Variants in TREM1 observed in about 807,000 individuals in gnomAD.
TREM1 encodes the protein triggering receptor expressed on monocytes 1.
A neutral mutation model predicts 22.4 loss-of-function variants in TREM1; 16 were observed. That is an observed-to-expected ratio of 0.71 (90% CI 0.48 to 1.08). The LOEUF (loss-of-function observed/expected upper bound fraction) is 1.08. Among genes scored for constraint, TREM1 ranks in the 50% least tolerant of loss-of-function variants. The probability of loss-of-function intolerance (pLI) is 0.00; values close to 1 mark genes in which losing one functional copy is unlikely to be tolerated. For missense variants in TREM1, 283 were observed against 282.9 expected (o/e 1.00, Z 0.00); for synonymous variants, 110 against 111.6 (o/e 0.99, Z 0.09).
intron 1 of TREM1, among the ~76,000 whole-genome samples, chr6:41,285,589 G>C (rs3827632): frequency 0.2 from 29,727 of 152,092 alleles, 3,831 homozygotes; most frequent in African/African-American, 0.36. Flanking sequence ...AAGGAGCATT[G>C]AGGTTAACCC....
At chr6:41,268,491 T>A (rs778871581) in intron 3 of TREM1, among the ~76,000 whole-genome samples, 1 of 152,226 alleles carries the variant, frequency 6.6e-6, no homozygotes, top group African/African-American at 2.4e-5. Context: ...GACCAAGCCA[T>A]CCACTGGTGC....
rs975403487 is a variant in TREM1, at chr6:41,278,832, G to C, written c.599+2129C>G. On this transcript the variant is annotated intron_variant, in intron 3 of 3. Transcript: ENST00000244709. ...CAGCAAGGCAGGAGAATAGGGTCTGGAGGCAGGAACGTAAGACCAATTCAT... is the reference window on the plus strand; with the variant it reads ...CAGCAAGGCAGGAGAATAGGGTCTGCAGGCAGGAACGTAAGACCAATTCAT... Among the ~76,000 whole-genome samples the C allele has an allele frequency of 3.3e-5, 5 of 152,140 alleles. 1 individual carries two copies. The highest frequency in any genetic ancestry group is 2.6e-4 in the Admixed American group (4 of 15,282).
At chr6:41,268,717 A>G (rs1289195622), downstream of TREM1, among the ~76,000 whole-genome samples, 1 of 152,166 alleles carries the variant, frequency 6.6e-6, no homozygotes, top group East Asian at 1.9e-4. Flanking sequence ...ACAATCTTCT[A>G]TTGCCCTGTG....
At chr6:41,272,605 A>G (rs1767514375), downstream of TREM1, among the ~76,000 whole-genome samples, 1 of 152,066 alleles carries the variant, frequency 6.6e-6, no homozygotes, top group Admixed American at 6.5e-5. Context: ...TTTTAGCAAC[A>G]GCTTAGGTGG....
intron 3 of TREM1, 79 bp downstream of exon 3, chr6:41,280,882 T>C (rs1048032271): frequency 1.9e-6 from 3 of 1,605,420 alleles, no homozygotes; most frequent in African/African-American, 2.7e-5. Flanking sequence ...TCCCTCACTT[T>C]CACATCCTCT....
At chr6:41,284,712 C>A (rs906184982) in intron 1 of TREM1, among the ~76,000 whole-genome samples, 21 of 152,140 alleles carry the variant, frequency 1.4e-4, no homozygotes, top group African/African-American at 4.8e-4. Context: ...AAGTGCTTAC[C>A]CTTTCATGGA....
chr6:41,279,422 AGCTTAC>A lies in TREM1; in HGVS notation c.599+1533_599+1538del, dbSNP rs532544537. ...TGATTAAAAGGCCCAGAACCTGGAC[AGCTTAC>A]ACTTAAGGCCCTCCTTCCGGTAAAA... On this transcript the variant is annotated intron_variant, in intron 3 of 3. Transcript: ENST00000244709. 9.4e-5 allele frequency: 57 copies of A among 605,760 alleles called. No individual in the cohort carries two copies. In the East Asian group the frequency reaches 7.8e-3, roughly 83 times the overall value. 37.5% of individuals were successfully genotyped at this position (605,760 alleles called of 1,614,324 possible).
chr6:41,272,681 C>T (rs1767516425), downstream of TREM1, among the ~76,000 whole-genome samples: 1 of 152,088 alleles, frequency 6.6e-6, no homozygotes. Flanking sequence ...ATGGACCCTG[C>T]AGCATGTCTC....
chr6:41,272,266 A>T (rs1440465241), downstream of TREM1, among the ~76,000 whole-genome samples: 1 of 151,946 alleles, frequency 6.6e-6, no homozygotes. Context: ...CACCATGGTG[A>T]GTCTAGACCC....
downstream of TREM1, among the ~76,000 whole-genome samples, chr6:41,270,468 T>TATATATATATATATATATATA (rs1767450675): frequency 1.7e-4 from 1 of 5,744 alleles, no homozygotes; most frequent in African/African-American, 3.2e-4. Flanking sequence ...TATATATATA[T>TATATATATATATATATATATA]ATATATATAT....
chr6:41,274,872 G>A lies in TREM1; in HGVS notation c.*1253C>T, dbSNP rs1767604657. Among the ~76,000 whole-genome samples the A allele has an allele frequency of 6.6e-6, 1 of 152,158 alleles. No individual in the cohort carries two copies. Among genetic ancestry groups the A allele is most frequent in the Middle Eastern group, 3.2e-3 (1 of 316 alleles). ...TAACATGAGACACACGGTATGTGTG[G>A]AAAAGTATGATTGCTCTTGGGAACT... On this transcript the variant is annotated 3_prime_UTR_variant, in exon 4 of 4. Transcript: ENST00000244709.
At chr6:41,278,531 G>T (rs1041609941) in intron 3 of TREM1, among the ~76,000 whole-genome samples, 8 of 151,846 alleles carry the variant, frequency 5.3e-5, no homozygotes, top group African/African-American at 1.5e-4. Context: ...AGTATTAGCT[G>T]TCCTGGTGGT....
chr6:41,284,725 C>T (rs2113997622), intron 1 of TREM1, among the ~76,000 whole-genome samples: 1 of 152,280 alleles, frequency 6.6e-6, no homozygotes, highest in Non-Finnish European at 1.5e-5. Context: ...TTCATGGAGC[C>T]CCCTGGCATG....
Position 41,286,609 on chromosome 6 carries a change from G to C in TREM1, c.47C>G (p.Ser16Ter). Residue 16 changes from serine (S) to a stop codon, truncating the protein, a stop_gained and splice_region_variant, in exon 1 of 4, where the codon TCA (serine) becomes TGA (stop). Coordinates refer to ENST00000244709, the MANE Select transcript of TREM1 (RefSeq NM_018643.5). LOFTEE classifies it high-confidence loss of function. ...LWGLLWMLFV[S>*]ELRAATKLTE... ...CTCAGTCCTCTTCCTTGTCTTACCT[G>C]AGACAAAGAGCATCCACAGCAGCCC... The C allele has an allele frequency of 6.2e-7, 1 of 1,613,836 alleles. No homozygotes were observed. Among genetic ancestry groups the C allele is most frequent in the African/African-American group, 1.3e-5 (1 of 74,966 alleles).
At chr6:41,279,903 A>C in intron 3 of TREM1, 1 of 977,668 alleles carries the variant, frequency 1.0e-6, no homozygotes, top group Non-Finnish European at 1.2e-6. Context: ...TATTTAAAAG[A>C]AGAAAAATAT....
At chr6:41,281,531 C>T (rs1050928612) in intron 2 of TREM1, 1 of 231,864 alleles carries the variant, frequency 4.3e-6, no homozygotes, top group Non-Finnish European at 8.5e-6. Flanking sequence ...AGAATAATTC[C>T]AGGCTTACTT....
rs757814807 is a variant in TREM1, at chr6:41,282,745, C to T, written c.56G>A (p.Arg19Gln). The T allele has an allele frequency of 4.7e-5, 76 of 1,611,688 alleles. No individual in the cohort carries two copies. Among genetic ancestry groups the T allele is most frequent in the South Asian group, 6.6e-5 (6 of 90,864 alleles). Reference protein sequence around the residue: ...LLWMLFVSELRAATKLTEEKY... With the variant: ...LLWMLFVSELQAATKLTEEKY... ...TTCCTCAGTTAATTTAGTTGCAGCT[C>T]GGAGTTCTATAAGCAGGGAAAGAGA... The change falls in exon 2 of 4, where the codon CGA (arginine) becomes CAA (glutamine). Residue 19 changes from arginine to glutamine, a missense_variant. Physicochemically the swap from Arg to Gln is conservative, Grantham distance 43. Coordinates refer to ENST00000244709, the MANE Select transcript of TREM1 (RefSeq NM_018643.5).
Position 41,282,567 on chromosome 6 carries a change from A to G in TREM1, c.234T>C (p.His78=). ...GTATGATCCTCCCCACTTGGACTGG[A>G]TGGGAATTCTTTGAAGGCCTCTCTG... ...ACTERPSKNS[H]PVQVGRIILE... The change falls in exon 2 of 4, where the codon CAT becomes CAC. Residue 78 remains histidine (H), a synonymous_variant. Coordinates refer to ENST00000244709, the MANE Select transcript of TREM1 (RefSeq NM_018643.5). 1.2e-6 allele frequency: 2 copies of G among 1,614,172 alleles called. No homozygotes were observed. Among genetic ancestry groups the G allele is most frequent in the Non-Finnish European group, 1.7e-6 (2 of 1,180,038 alleles).
chr6:41,282,878 C>T (rs1767995676), intron 1 of TREM1, 127 bp from the exon 2 acceptor site: 1 of 843,718 alleles, frequency 1.2e-6, no homozygotes, highest in Admixed American at 2.3e-5. Flanking sequence ...TTCTTGAGGC[C>T]TCCAGAGAAA....
Sources: allele counts gnomAD v4.1 joint callset (sites outside exome capture counted in the v4.1 genomes callset), GRCh38; gene constraint gnomAD v4.1.1; transcripts MANE v1.5; gene names NCBI Gene and HGNC (gene_info 2026-07-23, HGNC 2026-07-21).